DNASE1: variants seen among roughly 807,000 people sequenced by gnomAD.
The protein encoded by DNASE1 is deoxyribonuclease 1.
In DNASE1, 40 loss-of-function variants were observed where a neutral mutation model predicts 33.9. That is an observed-to-expected ratio of 1.18 (90% CI 0.92 to 1.54). The LOEUF (loss-of-function observed/expected upper bound fraction) is 1.54. Among genes scored for constraint, DNASE1 ranks in the 40% most tolerant of loss-of-function variants. The probability of loss-of-function intolerance (pLI) is 0.00; values close to 1 mark genes in which losing one functional copy is unlikely to be tolerated. For missense variants in DNASE1, 518 were observed against 372.6 expected (o/e 1.39, Z -3.21); for synonymous variants, 216 against 160.0 (o/e 1.35, Z -2.64).
intron 1 of DNASE1, among the ~76,000 whole-genome samples, chr16:3,637,171 G>A (rs1326423604): frequency 1.3e-5 from 2 of 152,054 alleles, no homozygotes; most frequent in Admixed American, 6.6e-5. Context: ...ATCAGCCTTT[G>A]GTGTGAGTTT....
downstream of DNASE1, chr16:3,662,856 G>T: frequency 5.6e-6 from 9 of 1,611,868 alleles, no homozygotes; most frequent in Non-Finnish European, 7.6e-6. Context: ...CGGCCAAGTG[G>T]TGGTCCATCC....
intron 1 of DNASE1, among the ~76,000 whole-genome samples, chr16:3,615,784 G>C (rs775317442): frequency 1.3e-5 from 2 of 152,198 alleles, no homozygotes; most frequent in Non-Finnish European, 2.9e-5. Context: ...TGATGATCAC[G>C]TCCTTACCCT....
chr16:3,663,544 G>A (rs1252309473), exon 10 of DNASE1: 2 of 1,613,980 alleles, frequency 1.2e-6, no homozygotes, highest in South Asian at 1.1e-5. Context: ...TCATCAAACT[G>A]CTCAAAGCAG....
At chr16:3,634,742 T>C (rs2041817493) in intron 1 of DNASE1, among the ~76,000 whole-genome samples, 1 of 151,626 alleles carries the variant, frequency 6.6e-6, no homozygotes, top group Non-Finnish European at 1.5e-5. Context: ...CTTGAACTCC[T>C]GGTCTTAAGA....
chr16:3,616,885 G>A (rs2041122258), intron 1 of DNASE1, among the ~76,000 whole-genome samples: 1 of 152,148 alleles, frequency 6.6e-6, no homozygotes, highest in Admixed American at 6.6e-5. Context: ...GCCAAGACTA[G>A]TCAATGGTGA....
chr16:3,624,686 C>A (rs2041445405), intron 1 of DNASE1, among the ~76,000 whole-genome samples: 1 of 151,992 alleles, frequency 6.6e-6, no homozygotes, highest in Non-Finnish European at 1.5e-5. Flanking sequence ...TTTTTCTTTT[C>A]TTGTTTTTTG....
chr16:3,658,868 G>A (rs1323137112), downstream of DNASE1: 4 of 1,613,878 alleles, frequency 2.5e-6, no homozygotes, highest in African/African-American at 5.3e-5. Flanking sequence ...GCGCGTGCCT[G>A]CAACACAGAA....
upstream of DNASE1, chr16:3,640,851 C>T (rs924307919): frequency 1.8e-5 from 7 of 398,664 alleles, no homozygotes; most frequent in East Asian, 7.1e-5. Flanking sequence ...CAGGCACCTC[C>T]GAAGATCAGC....
downstream of DNASE1, chr16:3,662,034 C>G: frequency 6.2e-7 from 1 of 1,613,298 alleles, no homozygotes; most frequent in Admixed American, 1.7e-5. Flanking sequence ...CGCGCTCCTC[C>G]TGGGTCTTGG....
In DNASE1 at chr16:3,617,280, C is replaced by T. The variant is rs552934986; in HGVS notation, c.-1359+5274C>T. Among the ~76,000 whole-genome samples, 139 of 139,312 alleles carry T rather than the reference C, an allele frequency of 1.0e-3. 1 individual carries two copies. The highest frequency in any genetic ancestry group is 3.7e-3 in the African/African-American group (132 of 36,008). 91.4% of individuals were successfully genotyped at this position (139,312 alleles called of 152,430 possible). ...GATGGAGGTTGCGGTGAGCCGAGAT[C>T]GCACCACTACGCTCCAGCCTAGTCA... On this transcript the variant is annotated intron_variant and NMD_transcript_variant, in intron 1 of 11. Coordinates refer to the DNASE1 transcript ENST00000570769.
intron 1 of DNASE1, among the ~76,000 whole-genome samples, chr16:3,625,285 A>C (rs2041472282): frequency 6.6e-6 from 1 of 152,036 alleles, no homozygotes; most frequent in Non-Finnish European, 1.5e-5. Flanking sequence ...CAGCCTGGGC[A>C]ACAGAGTGAG....
intron 4 of DNASE1, 65 bp downstream of exon 4, chr16:3,656,250 G>T (rs772322219): frequency 6.5e-7 from 1 of 1,537,556 alleles, no homozygotes; most frequent in Non-Finnish European, 9.0e-7. Context: ...GAGCAGGGAA[G>T]TAGTTTGTCC....
At chr16:3,661,942 TCTGGGGAATCCCA>T (rs1567219981), downstream of DNASE1, 1 of 1,550,660 alleles carries the variant, frequency 6.4e-7, no homozygotes, top group Non-Finnish European at 8.7e-7. Flanking sequence ...CACACAGGAT[TCTGGGGAATCCCA>T]CAGGCTGGAA....
chr16:3,649,052 TTTAAG>T (rs1226683241), intron 1 of DNASE1, among the ~76,000 whole-genome samples: 4 of 152,334 alleles, frequency 2.6e-5, no homozygotes, highest in Non-Finnish European at 5.9e-5. Context: ...TTGTATTTGC[TTTAAG>T]TTGTCATTTA....
chr16:3,639,150 C>T (rs1161371285), upstream of DNASE1, among the ~76,000 whole-genome samples: 1 of 152,220 alleles, frequency 6.6e-6, no homozygotes, highest in East Asian at 1.9e-4. Flanking sequence ...TTTATTGCGT[C>T]TCAACTCTAA....
At chr16:3,661,233 A>G (rs2043055427), downstream of DNASE1, 1 of 152,242 alleles carries the variant, frequency 6.6e-6, no homozygotes, top group African/African-American at 2.4e-5. Flanking sequence ...GATCACATTC[A>G]TGGGTGCAAA....
intron 1 of DNASE1, among the ~76,000 whole-genome samples, chr16:3,635,632 A>G (rs1567195054): frequency 1.3e-5 from 2 of 151,662 alleles, no homozygotes; most frequent in Non-Finnish European, 2.9e-5. Flanking sequence ...AGATTCTGTT[A>G]ATTTTTATTC....
chr16:3,644,904 G>C (rs180740669), intron 1 of DNASE1, among the ~76,000 whole-genome samples: 1 of 151,710 alleles, frequency 6.6e-6, no homozygotes, highest in Non-Finnish European at 1.5e-5. Context: ...CAAGGCAGGC[G>C]GATCACTTGG....
chr16:3,628,767 G>A (rs1339816605), intron 1 of DNASE1, among the ~76,000 whole-genome samples: 3 of 149,172 alleles, frequency 2.0e-5, no homozygotes, highest in Admixed American at 2.0e-4. Flanking sequence ...CACCGTGTTA[G>A]CCAGGATGGT....
Sources: allele counts gnomAD v4.1 joint callset (sites outside exome capture counted in the v4.1 genomes callset), GRCh38; gene constraint gnomAD v4.1.1; transcripts MANE v1.5; gene names NCBI Gene and HGNC (gene_info 2026-07-23, HGNC 2026-07-21).